CENPL: variants seen among roughly 807,000 people sequenced by gnomAD.
CENPL encodes centromere protein L, also known as interphase centromere complex protein 33.
Under a neutral mutation model 35.2 loss-of-function variants are expected in CENPL, and 20 were observed. The observed-to-expected ratio is 0.57, with a 90% confidence interval of 0.40 to 0.83. The LOEUF is 0.83. Ranked by LOEUF, CENPL falls within the 40% of genes least tolerant of loss-of-function variation. CENPL has a pLI of 0.00. For missense variants in CENPL, 363 were observed against 395.8 expected (o/e 0.92, Z 0.70); for synonymous variants, 140 against 140.6 (o/e 1.00, Z 0.03).
In CENPL at chr1:173,800,532, A is replaced by G; in HGVS notation, c.964-13T>C. The G allele has an allele frequency of 1.8e-6, 2 of 1,140,480 alleles. No individual in the cohort carries two copies. Among genetic ancestry groups the G allele is most frequent in the Non-Finnish European group, 1.3e-6 (1 of 765,866 alleles). 70.6% of individuals were successfully genotyped at this position (1,140,480 alleles called of 1,614,324 possible). Reference sequence around the variant, plus strand: ...TATGACACAGAATCTGCAAAAAGAAAAAGAAGGAGACATTTAAAATTAGAA... The same window carrying G: ...TATGACACAGAATCTGCAAAAAGAAGAAGAAGGAGACATTTAAAATTAGAA... On this transcript the variant is annotated splice_polypyrimidine_tract_variant and intron_variant, in intron 5 of 5. Transcript: ENST00000682279.
At chr1:173,807,567 A>G (rs1650352124) in intron 3 of CENPL, 49 bp from the exon 4 acceptor site, 1 of 1,388,022 alleles carries the variant, frequency 7.2e-7, no homozygotes, top group Non-Finnish European at 9.7e-7. Context: ...AGGAAACAAT[A>G]AGAATTTAAT....
At position 173,812,340 on chromosome 1, in the gene CENPL, A is replaced by G. The variant is rs1431961178; in HGVS notation, c.-7-1034T>C. Among the ~76,000 whole-genome samples the G allele has an allele frequency of 5.9e-5, 9 of 152,248 alleles. No homozygotes were observed. In the East Asian group the frequency reaches 7.7e-4, roughly 13 times the overall value. On this transcript the variant is annotated intron_variant, in intron 2 of 5. Coordinates refer to ENST00000682279, the MANE Select transcript of CENPL (RefSeq NM_001387287.1). ...GGTTCTCCCAGCATGGCATTTGAGCACTAAGAACAGACAGACTGCCTCCTC... is the reference window on the plus strand; with the variant it reads ...GGTTCTCCCAGCATGGCATTTGAGCGCTAAGAACAGACAGACTGCCTCCTC...
chr1:173,802,971 T>G lies in CENPL; in HGVS notation c.955A>C (p.Lys319Gln). The G allele has an allele frequency of 6.3e-7, 1 of 1,593,384 alleles. No homozygotes were observed. Among genetic ancestry groups the G allele is most frequent in the Non-Finnish European group, 8.6e-7 (1 of 1,168,558 alleles). Residue 319 changes from lysine to glutamine, a missense_variant, in exon 5 of 6, where the codon AAA becomes CAA. Transcript: ENST00000682279. The part of the protein sequence containing the change: ...TSVASAHTDG[K>Q]IKILCHKYLI... ...AGATTGTTCAAACTAACCTTTATTT[T>G]TCCATCAGTATGTGCTGAAGCTACA...
chr1:173,800,675 C>T (rs1188900199), intron 5 of CENPL, among the ~76,000 whole-genome samples, 156 bp from the exon 6 acceptor site: 1 of 152,182 alleles, frequency 6.6e-6, no homozygotes, highest in African/African-American at 2.4e-5. Context: ...TGGCCAGGCA[C>T]AGTGATTTAT....
intron 2 of CENPL, among the ~76,000 whole-genome samples, chr1:173,817,013 C>T (rs549340152): frequency 1.3e-5 from 2 of 152,228 alleles, no homozygotes; most frequent in East Asian, 1.9e-4. Flanking sequence ...TGATGTGCGC[C>T]TATACTCTCA....
At position 173,811,318 on chromosome 1, in the gene CENPL, G is replaced by A. The variant is rs1448430071; in HGVS notation, c.-7-12C>T. 1.7e-5 allele frequency: 27 copies of A among 1,561,678 alleles called. No individual in the cohort carries two copies. The highest frequency in any genetic ancestry group is 2.2e-5 in the Non-Finnish European group (25 of 1,144,010). On this transcript the variant is annotated splice_polypyrimidine_tract_variant and intron_variant, in intron 2 of 5. Transcript: ENST00000682279. ...AATCCATGGTCTGTCTGCATAAGAAGAAACAAAACCAGAATTCTAAGCACT... is the reference window on the plus strand; with the variant it reads ...AATCCATGGTCTGTCTGCATAAGAAAAAACAAAACCAGAATTCTAAGCACT...
intron 5 of CENPL, 35 bp downstream of exon 5, chr1:173,802,928 A>C: frequency 7.0e-7 from 1 of 1,423,286 alleles, no homozygotes; most frequent in Non-Finnish European, 9.6e-7. Flanking sequence ...CCATAAAACA[A>C]GGAAAAATTA....
intron 5 of CENPL, among the ~76,000 whole-genome samples, chr1:173,802,364 G>A (rs1441792075): frequency 1.3e-5 from 2 of 151,844 alleles, no homozygotes; most frequent in Middle Eastern, 3.2e-3. Flanking sequence ...CCACCACCAC[G>A]CCTGGCTAAT....
rs756551544 is a variant in CENPL at position 173,802,999 on chromosome 1, T to G, written c.927A>C (p.Thr309=). 1 of 1,613,250 alleles carries G rather than the reference T, an allele frequency of 6.2e-7. No individual in the cohort carries two copies. Among genetic ancestry groups the G allele is most frequent in the South Asian group, 1.1e-5 (1 of 90,944 alleles). The change falls in exon 5 of 6, where the codon ACA becomes ACC. Residue 309 remains threonine (T), a synonymous_variant. Coordinates refer to ENST00000682279, the MANE Select transcript of CENPL (RefSeq NM_001387287.1). ...CATCAGTATGTGCTGAAGCTACAGATGTTGAAACACGAACTAATCTTGTGG... is the reference window on the plus strand; with the variant it reads ...CATCAGTATGTGCTGAAGCTACAGAGGTTGAAACACGAACTAATCTTGTGG... ...LSATRLVRVS[T]SVASAHTDGK...
Position 173,803,308 on chromosome 1 carries a change from ACAGT to A in CENPL, c.614_617del (p.Asp205ValfsTer6). On this transcript the variant is annotated frameshift_variant, in exon 5 of 6. Transcript: ENST00000682279. LOFTEE classifies it high-confidence loss of function. Reference sequence around the variant, plus strand: ...CATTGATTGCTAAAGGACTGAAATAACAGTCAAAGGTTTTCTGAAACCAAGTTCC... The same window carrying A: ...CATTGATTGCTAAAGGACTGAAATAACAAAGGTTTTCTGAAACCAAGTTCC... 1 of 1,613,096 alleles carries A rather than the reference ACAGT, an allele frequency of 6.2e-7. No individual in the cohort carries two copies. The highest frequency in any genetic ancestry group is 8.5e-7 in the Non-Finnish European group (1 of 1,179,002).
intron 4 of CENPL, chr1:173,806,532 C>T: frequency 2.3e-6 from 1 of 434,706 alleles, no homozygotes; most frequent in Non-Finnish European, 4.6e-6. Context: ...TGCAGTCAAC[C>T]AAGATCGTGC....
At chr1:173,810,245 C>T (rs968952614) in intron 3 of CENPL, among the ~76,000 whole-genome samples, 2 of 152,100 alleles carry the variant, frequency 1.3e-5, no homozygotes, top group African/African-American at 4.8e-5. Flanking sequence ...TTATCCTTAG[C>T]CAACAAGCAA....
At chr1:173,815,307 A>T (rs1333213567) in intron 2 of CENPL, among the ~76,000 whole-genome samples, 2 of 152,234 alleles carry the variant, frequency 1.3e-5, no homozygotes, top group African/African-American at 4.8e-5. Flanking sequence ...ATCAACAGAA[A>T]AAGAGAGAAT....
chr1:173,821,090 TAGAC>T (rs1163833744), intron 2 of CENPL, among the ~76,000 whole-genome samples: 2 of 152,218 alleles, frequency 1.3e-5, no homozygotes, highest in Non-Finnish European at 2.9e-5. Context: ...CAATCCTACT[TAGAC>T]AGAATGTTTC....
At chr1:173,820,420 G>C (rs1051124261) in intron 2 of CENPL, among the ~76,000 whole-genome samples, 1 of 152,044 alleles carries the variant, frequency 6.6e-6, no homozygotes, top group African/African-American at 2.4e-5. Context: ...AGAGGCTGAG[G>C]CAGGAGGAGT....
At position 173,807,516 on chromosome 1, in the gene CENPL, T is replaced by A. The variant is rs1370488914; in HGVS notation, c.171A>T (p.Glu57Asp). 1.4e-6 allele frequency: 2 copies of A among 1,458,388 alleles called. No homozygotes were observed. Among genetic ancestry groups the A allele is most frequent in the African/African-American group, 2.8e-5 (2 of 70,946 alleles). The allele number at this position is 1,458,388 out of a possible 1,614,324, so 90.3% of individuals were successfully genotyped here. ...RKIPQCSQLQ[E>D]DVDPQKVAFL... Reference sequence around the variant, plus strand: ...ATGCAACCTTTTGAGGGTCAACATCTTCCTATAAAAAAAAATCAAGACAAA... The same window carrying A: ...ATGCAACCTTTTGAGGGTCAACATCATCCTATAAAAAAAAATCAAGACAAA... The change falls in exon 4 of 6, where the codon GAA becomes GAT. Residue 57 changes from glutamate (E) to aspartate (D), a missense_variant and splice_region_variant. Glu to Asp is a conservative substitution (Grantham distance 45). Coordinates refer to ENST00000682279, the MANE Select transcript of CENPL (RefSeq NM_001387287.1).
chr1:173,817,454 G>A (rs944747187), intron 2 of CENPL, among the ~76,000 whole-genome samples: 4 of 152,180 alleles, frequency 2.6e-5, no homozygotes, highest in African/African-American at 9.7e-5. Context: ...ACCACAATGA[G>A]ATACCATCTC....
chr1:173,804,910 TAC>T (rs1234208531), intron 4 of CENPL, among the ~76,000 whole-genome samples: 2 of 152,242 alleles, frequency 1.3e-5, no homozygotes, highest in African/African-American at 2.4e-5. Context: ...AATGATCATT[TAC>T]ACAGTTCTTT....
chr1:173,815,874 T>G (rs1651320311), intron 2 of CENPL, among the ~76,000 whole-genome samples: 1 of 152,118 alleles, frequency 6.6e-6, no homozygotes, highest in Non-Finnish European at 1.5e-5. Flanking sequence ...GGGTATTCAA[T>G]TAGGAAAAGA....
Sources: allele counts gnomAD v4.1 joint callset (sites outside exome capture counted in the v4.1 genomes callset), GRCh38; gene constraint gnomAD v4.1.1; transcripts MANE v1.5; gene names NCBI Gene and HGNC (gene_info 2026-07-23, HGNC 2026-07-21).